Variants in PKHD1 observed in about 807,000 individuals in gnomAD.
PKHD1 encodes the protein PKHD1 ciliary IPT domain containing fibrocystin/polyductin.
A neutral mutation model predicts 412.0 loss-of-function variants in PKHD1; 291 were observed. The ratio of observed to expected loss-of-function variants is 0.71; its 90% CI spans 0.64 to 0.78. PKHD1 has a LOEUF of 0.78. Ranked by LOEUF, PKHD1 falls within the 30% of genes least tolerant of loss-of-function variation. PKHD1 has a pLI of 0.00. For missense variants in PKHD1, 4,825 were observed against 4,950.7 expected (o/e 0.97, Z 0.76); for synonymous variants, 1,777 against 1,821.5 (o/e 0.98, Z 0.62).
chr6:51,915,658 G>A (rs578240457), intron 37 of PKHD1, among the ~76,000 whole-genome samples: 6 of 151,856 alleles, frequency 4.0e-5, no homozygotes, highest in Non-Finnish European at 7.4e-5. Flanking sequence ...CCCACATCTT[G>A]GGGTTTTAAA....
intron 60 of PKHD1, among the ~76,000 whole-genome samples, chr6:51,720,272 G>C (rs1013305193): frequency 3.3e-5 from 5 of 152,104 alleles, no homozygotes; most frequent in Non-Finnish European, 7.4e-5. Context: ...TTTTAAAAAT[G>C]AGAAGTAAGT....
At chr6:52,026,487 GA>G (rs1024295257) in intron 31 of PKHD1, among the ~76,000 whole-genome samples, 25 of 152,162 alleles carry the variant, frequency 1.6e-4, no homozygotes, top group African/African-American at 6.0e-4. Flanking sequence ...ACACACTAAT[GA>G]AAAATCAAAT....
chr6:51,810,812 C>T (rs9296662), intron 52 of PKHD1, among the ~76,000 whole-genome samples: 86,197 of 151,964 alleles, frequency 0.57, 24,819 homozygotes, highest in East Asian at 0.78. Flanking sequence ...ATTCTTGGCT[C>T]TTTATATATG....
chr6:51,679,275 C>G (rs1417518614), intron 60 of PKHD1, among the ~76,000 whole-genome samples: 1 of 152,044 alleles, frequency 6.6e-6, no homozygotes, highest in South Asian at 2.1e-4. Flanking sequence ...TGACAGCAAA[C>G]ATCATAACAG....
chr6:51,755,389 T>C (rs1786809101), intron 55 of PKHD1, among the ~76,000 whole-genome samples: 1 of 152,186 alleles, frequency 6.6e-6, no homozygotes, highest in Non-Finnish European at 1.5e-5. Context: ...TTACAAATCC[T>C]ACCTTCATGA....
intron 14 of PKHD1, 147 bp from the exon 15 acceptor site, chr6:52,060,189 T>G: frequency 1.5e-6 from 1 of 657,356 alleles, no homozygotes; most frequent in Non-Finnish European, 2.8e-6. Flanking sequence ...CAGAATATTC[T>G]AGAAAGAGAT....
intron 35 of PKHD1, among the ~76,000 whole-genome samples, chr6:51,993,682 A>T (rs1797323724): frequency 6.6e-6 from 1 of 152,244 alleles, no homozygotes; most frequent in Non-Finnish European, 1.5e-5. Flanking sequence ...TCCTTAAAGG[A>T]TCTCAAAGCA....
Position 52,079,990 on chromosome 6 carries a change from T to C in PKHD1, c.300A>G (p.Ala100=), listed in dbSNP as rs1266693517. The change falls in exon 5 of 67, where the codon GCA becomes GCG. Residue 100 remains alanine (A), a synonymous_variant. Coordinates refer to ENST00000371117, the MANE Select transcript of PKHD1 (RefSeq NM_138694.4). ...TCRTRSVLSE[A]HEGLYFLEAY... ...CTTCCAGGAAGTACAGACCCTCATG[T>C]GCTTCAGACAGCACAGATCTGAGGA... 6.2e-7 allele frequency: 1 copy of C among 1,604,806 alleles called. No homozygotes were observed. Among genetic ancestry groups the C allele is most frequent in the East Asian group, 2.2e-5 (1 of 44,830 alleles).
intron 36 of PKHD1, among the ~76,000 whole-genome samples, chr6:51,938,573 A>C (rs1435393197): frequency 7.3e-6 from 1 of 137,780 alleles, no homozygotes; most frequent in Non-Finnish European, 1.5e-5. Context: ...CCCCACTACT[A>C]TCTCCCTTCA....
At chr6:51,721,659 C>A (rs932892881) in intron 60 of PKHD1, 10 of 1,198,936 alleles carry the variant, frequency 8.3e-6, no homozygotes, top group Non-Finnish European at 1.0e-5. Flanking sequence ...TTCCTACTCC[C>A]CCATATCTGC....
chr6:52,046,694 C>CT (rs1248639074), intron 23 of PKHD1, among the ~76,000 whole-genome samples: 2 of 152,314 alleles, frequency 1.3e-5, no homozygotes, highest in South Asian at 2.1e-4. Flanking sequence ...TTAGAATTTT[C>CT]TTTAAGCCCA....
rs1184526217 is a variant in PKHD1 at position 52,024,980 on chromosome 6, C to A, written c.4830G>T (p.Gln1610His). The A allele has an allele frequency of 1.2e-6, 2 of 1,614,198 alleles. No homozygotes were observed. Among genetic ancestry groups the A allele is most frequent in the South Asian group, 2.2e-5 (2 of 91,088 alleles). The part of the protein sequence containing the change: ...GQNTTSVYID[Q>H]QTCLTVNIGA... ...CGATGTTCACCGTCAGGCAGGTCTG[C>A]TGGTCAATATAGACTGACGTGGTGT... Residue 1610 changes from glutamine (Q) to histidine (H), a missense_variant, in exon 32 of 67, where the codon CAG becomes CAT. Coordinates refer to ENST00000371117, the MANE Select transcript of PKHD1 (RefSeq NM_138694.4).
At chr6:51,714,381 AT>A (rs1420971497) in intron 60 of PKHD1, among the ~76,000 whole-genome samples, 1 of 145,244 alleles carries the variant, frequency 6.9e-6, no homozygotes, top group Non-Finnish European at 1.5e-5. Flanking sequence ...AAAAAAAAAA[AT>A]TGTCTACAGA....
intron 37 of PKHD1, among the ~76,000 whole-genome samples, chr6:51,926,615 C>T (rs1226553336): frequency 6.6e-6 from 1 of 152,066 alleles, no homozygotes. Flanking sequence ...AATTAAAAGA[C>T]CTTAAAAACA....
chr6:51,624,538 T>C (rs1450122646), intron 66 of PKHD1, among the ~76,000 whole-genome samples: 1 of 152,210 alleles, frequency 6.6e-6, no homozygotes, highest in Non-Finnish European at 1.5e-5. Context: ...ATCATCCTTT[T>C]GTATAGTTGG....
At chr6:51,761,176 G>A (rs755662450) in intron 55 of PKHD1, among the ~76,000 whole-genome samples, 8 of 151,970 alleles carry the variant, frequency 5.3e-5, no homozygotes, top group South Asian at 2.1e-4. Context: ...GTCAATCTAG[G>A]TGCCCATCGA....
chr6:51,648,398 T>C (rs1288272158), intron 62 of PKHD1, among the ~76,000 whole-genome samples: 1 of 152,164 alleles, frequency 6.6e-6, no homozygotes, highest in Non-Finnish European at 1.5e-5. Context: ...TACTATGTGC[T>C]GAAGGTTCTT....
intron 27 of PKHD1, 141 bp downstream of exon 27, chr6:52,042,718 C>T (rs755153229): frequency 3.3e-5 from 25 of 765,982 alleles, no homozygotes; most frequent in Admixed American, 1.5e-4. Flanking sequence ...GTTTGTTGCT[C>T]ATTTAAATAC....
At chr6:51,969,925 A>C (rs1293454880) in intron 35 of PKHD1, among the ~76,000 whole-genome samples, 1 of 152,192 alleles carries the variant, frequency 6.6e-6, no homozygotes, top group Non-Finnish European at 1.5e-5. Context: ...TTTTGATATA[A>C]TAATTTCTTT....
Sources: allele counts gnomAD v4.1 joint callset (sites outside exome capture counted in the v4.1 genomes callset), GRCh38; gene constraint gnomAD v4.1.1; transcripts MANE v1.5; gene names NCBI Gene and HGNC (gene_info 2026-07-23, HGNC 2026-07-21).